Variants in EGFR observed in about 807,000 individuals in gnomAD.
The protein encoded by EGFR is avian erythroblastic leukemia viral (v-erb-b) oncogene homolog.
In EGFR, 58 loss-of-function variants were observed where a neutral mutation model predicts 143.0. The observed-to-expected ratio is 0.41, with a 90% confidence interval of 0.33 to 0.50. EGFR has a LOEUF of 0.50. Among genes scored for constraint, EGFR ranks in the 20% least tolerant of loss-of-function variants. The pLI, the probability that EGFR is intolerant of heterozygous loss-of-function variation, is 0.39. For missense variants in EGFR, 1,307 were observed against 1,579.0 expected (o/e 0.83, Z 2.92); for synonymous variants, 613 against 594.4 (o/e 1.03, Z -0.45).
At chr7:55,025,445 C>G (rs915358991) in intron 1 of EGFR, among the ~76,000 whole-genome samples, 1 of 152,008 alleles carries the variant, frequency 6.6e-6, no homozygotes, top group Non-Finnish European at 1.5e-5. Context: ...AATGCAATCA[C>G]AAAGGCTGGG....
chr7:55,170,453 C>A (rs770861870), intron 15 of EGFR: 4 of 1,614,118 alleles, frequency 2.5e-6, no homozygotes, highest in Non-Finnish European at 3.4e-6. Flanking sequence ...TCTCTTCTGC[C>A]GTCAGAGTTT....
intron 1 of EGFR, among the ~76,000 whole-genome samples, chr7:55,088,296 A>G (rs1790887249): frequency 6.6e-6 from 1 of 152,174 alleles, no homozygotes; most frequent in Non-Finnish European, 1.5e-5. Flanking sequence ...TCGCACAAAG[A>G]GCCCCATGAA....
At chr7:55,120,135 T>C (rs1450079487) in intron 1 of EGFR, among the ~76,000 whole-genome samples, 1 of 152,228 alleles carries the variant, frequency 6.6e-6, no homozygotes, top group African/African-American at 2.4e-5. Context: ...TCAGTGTTTC[T>C]GTTGCATCGC....
intron 13 of EGFR, 149 bp from the exon 14 acceptor site, chr7:55,163,584 C>T: frequency 1.4e-6 from 1 of 703,862 alleles, no homozygotes; most frequent in Non-Finnish European, 2.6e-6. Context: ...ATTCAGTTAA[C>T]AAAATCAGCT....
At chr7:55,079,013 A>C (rs1391466216) in intron 1 of EGFR, among the ~76,000 whole-genome samples, 1 of 152,198 alleles carries the variant, frequency 6.6e-6, no homozygotes, top group African/African-American at 2.4e-5. Flanking sequence ...GGAAAAGAGA[A>C]CGTAAGTTCA....
At chr7:55,172,886 A>T (rs1436986537) in intron 16 of EGFR, 97 bp from the exon 17 acceptor site, 2 of 1,610,880 alleles carry the variant, frequency 1.2e-6, no homozygotes, top group Non-Finnish European at 1.7e-6. Context: ...ATTCTACAAG[A>T]TGTCAGTGCA....
intron 1 of EGFR, among the ~76,000 whole-genome samples, chr7:55,076,803 A>G (rs1790156718): frequency 6.6e-6 from 1 of 152,160 alleles, no homozygotes; most frequent in South Asian, 2.1e-4. Flanking sequence ...CATAATTTCC[A>G]TCAGAGCTCT....
At chr7:55,059,159 A>C (rs1789012889) in intron 1 of EGFR, among the ~76,000 whole-genome samples, 1 of 152,238 alleles carries the variant, frequency 6.6e-6, no homozygotes, top group Non-Finnish European at 1.5e-5. Context: ...CAGAATGTGC[A>C]ACTCAGATTT....
intron 1 of EGFR, among the ~76,000 whole-genome samples, chr7:55,135,996 A>G (rs2128922871): frequency 6.6e-6 from 1 of 152,342 alleles, no homozygotes; most frequent in East Asian, 1.9e-4. Context: ...AGAGTAAATA[A>G]GAAAAACACC....
chr7:55,107,622 G>A (rs978008420), intron 1 of EGFR, among the ~76,000 whole-genome samples: 4 of 152,218 alleles, frequency 2.6e-5, no homozygotes, highest in Non-Finnish European at 4.4e-5. Flanking sequence ...CTGCCAGGCA[G>A]AGAATGCTGC....
chr7:55,063,597 C>G (rs957619709), intron 1 of EGFR, among the ~76,000 whole-genome samples: 7 of 152,206 alleles, frequency 4.6e-5, no homozygotes, highest in Admixed American at 4.6e-4. Context: ...CAGTTTTTCT[C>G]AGTTTTCTGA....
chr7:55,020,856 C>T (rs530809182), intron 1 of EGFR, among the ~76,000 whole-genome samples: 1 of 151,482 alleles, frequency 6.6e-6, no homozygotes, highest in East Asian at 1.9e-4. Flanking sequence ...GGTTCCCAGA[C>T]CTTGCTGCAC....
intron 22 of EGFR, among the ~76,000 whole-genome samples, chr7:55,195,935 G>A (rs1197717844): frequency 6.6e-6 from 1 of 152,122 alleles, no homozygotes; most frequent in Non-Finnish European, 1.5e-5. Flanking sequence ...TGGGCATTTA[G>A]GTTGATTCCA....
chr7:55,192,898 G>A, intron 22 of EGFR, 57 bp downstream of exon 22: 1 of 1,472,724 alleles, frequency 6.8e-7, no homozygotes, highest in East Asian at 2.3e-5. Context: ...GGCTTTTATT[G>A]TTAGTTAATT....
chr7:55,136,011 A>G (rs1181030658), intron 1 of EGFR, among the ~76,000 whole-genome samples: 2 of 152,164 alleles, frequency 1.3e-5, no homozygotes, highest in Non-Finnish European at 2.9e-5. Context: ...AACACCCAGA[A>G]ATTTACCATT....
At position 55,160,229 on chromosome 7, in the gene EGFR, T is replaced by C; in HGVS notation, c.1389T>C (p.Ile463=). Residue 463 remains isoleucine (I), a synonymous_variant, in exon 12 of 28, where the codon ATT becomes ATC. Transcript: ENST00000275493. ...AGATAAGTGATGGAGATGTGATAAT[T>C]TCAGGAAACAAAAATTTGTGCTATG... The part of the protein sequence containing the change: ...LKEISDGDVI[I]SGNKNLCYAN... The C allele has an allele frequency of 6.2e-7, 1 of 1,614,158 alleles. No homozygotes were observed. The highest frequency in any genetic ancestry group is 8.5e-7 in the Non-Finnish European group (1 of 1,180,022).
chr7:55,057,345 G>T (rs1788890632), intron 1 of EGFR, among the ~76,000 whole-genome samples: 1 of 152,162 alleles, frequency 6.6e-6, no homozygotes, highest in Admixed American at 6.5e-5. Context: ...CAGAAACGTG[G>T]ACTTCCCTGA....
intron 1 of EGFR, among the ~76,000 whole-genome samples, chr7:55,081,179 T>C (rs1790442051): frequency 6.6e-6 from 1 of 152,230 alleles, no homozygotes; most frequent in African/African-American, 2.4e-5. Flanking sequence ...AAACATACTT[T>C]TGGCAGGGTT....
chr7:55,056,212 A>T (rs1163339379), intron 1 of EGFR, among the ~76,000 whole-genome samples: 1 of 152,134 alleles, frequency 6.6e-6, no homozygotes, highest in Non-Finnish European at 1.5e-5. Context: ...AATCATCAGT[A>T]TTTCTGGAAT....
Sources: gnomAD v4.1 joint callset for allele counts (sites outside exome capture counted in the v4.1 genomes callset) on GRCh38, gnomAD v4.1.1 for gene constraint, MANE v1.5 for transcripts, NCBI Gene and HGNC (gene_info 2026-07-23, HGNC 2026-07-21) for gene names.